Variants in ANKFN1 observed in about 807,000 individuals in gnomAD.
ANKFN1 encodes the protein ankyrin repeat and fibronectin type-III domain-containing protein 1.
ANKFN1 carries 74 observed loss-of-function variants against 108.7 expected under a neutral mutation model. That is an observed-to-expected ratio of 0.68 (90% CI 0.56 to 0.83). The LOEUF is 0.83. Among genes scored for constraint, ANKFN1 ranks in the 40% least tolerant of loss-of-function variants. ANKFN1 has a pLI of 0.00. For synonymous variants in ANKFN1, 547 were observed against 516.2 expected, an observed-to-expected ratio of 1.06 and a Z score of -0.81; for missense variants, 1,505 against 1,382.3, an observed-to-expected ratio of 1.09 and a Z score of -1.41.
chr17:56,424,026 A>C (rs2048485692), intron 8 of ANKFN1, among the ~76,000 whole-genome samples: 1 of 152,192 alleles, frequency 6.6e-6, no homozygotes, highest in Non-Finnish European at 1.5e-5. Flanking sequence ...GGAGAACCTA[A>C]ATAAAAGGAG....
At chr17:56,329,439 C>G (rs1267976410) in intron 4 of ANKFN1, among the ~76,000 whole-genome samples, 2 of 152,104 alleles carry the variant, frequency 1.3e-5, no homozygotes, top group African/African-American at 4.8e-5. Flanking sequence ...ATCACTTTCT[C>G]TAGCCCATTT....
At chr17:56,306,769 A>G (rs1161716579) in intron 3 of ANKFN1, among the ~76,000 whole-genome samples, 3 of 152,226 alleles carry the variant, frequency 2.0e-5, no homozygotes, top group Non-Finnish European at 4.4e-5. Context: ...CACATTGCCA[A>G]GTCAATCCTA....
At chr17:56,068,763 A>G (rs1043981655) in intron 4 of ANKFN1, among the ~76,000 whole-genome samples, 1 of 152,196 alleles carries the variant, frequency 6.6e-6, no homozygotes, top group Non-Finnish European at 1.5e-5. Flanking sequence ...TGAGACAATG[A>G]GTTCTTTGAA....
chr17:56,068,824 A>G (rs1905090331), intron 4 of ANKFN1, among the ~76,000 whole-genome samples: 2 of 152,190 alleles, frequency 1.3e-5, no homozygotes, highest in African/African-American at 4.8e-5. Context: ...ACCTGGCAAA[A>G]TACCTGGTAG....
At position 56,283,756 on chromosome 17, in the gene ANKFN1, G is replaced by T. The variant is rs181200793; in HGVS notation, c.54-42465G>T. Reference sequence around the variant, plus strand: ...CCTCAGGGGAAAGGGTGGGAGGGGGGTGAGGGATAAAACTCTACAAATTGG... The same window carrying T: ...CCTCAGGGGAAAGGGTGGGAGGGGGTTGAGGGATAAAACTCTACAAATTGG... On this transcript the variant is annotated intron_variant, in intron 3 of 20. Coordinates refer to ENST00000682825, the MANE Select transcript of ANKFN1 (RefSeq NM_001370326.1). 1.8e-3 allele frequency among the ~76,000 whole-genome samples: 275 copies of T among 152,014 alleles called. 7 individuals are homozygous for T. The East Asian group carries it at 0.042, about 23-fold the overall frequency.
rs113743548 is a variant in ANKFN1 at position 56,418,742 on chromosome 17, C to A, written c.911-21585C>A. ...ATTTGGCAGAGCCAGGACAAAAATG[C>A]AAAACTCCTGACTCCCAGTTCATTA... On this transcript the variant is annotated intron_variant, in intron 8 of 20. Coordinates refer to ENST00000682825, the MANE Select transcript of ANKFN1 (RefSeq NM_001370326.1). Among the ~76,000 whole-genome samples the A allele has an allele frequency of 5.5e-3, 832 of 151,008 alleles. 5 individuals are homozygous for A. The highest frequency in any genetic ancestry group is 0.019 in the African/African-American group (781 of 41,058).
chr17:56,313,424 CT>C (rs984478220), intron 3 of ANKFN1, among the ~76,000 whole-genome samples: 4 of 152,168 alleles, frequency 2.6e-5, no homozygotes, highest in Admixed American at 2.6e-4. Flanking sequence ...CAGCCAGGCT[CT>C]GTTCCCCAAG....
At chr17:56,158,400 TC>T (rs1909314065) in intron 1 of ANKFN1, among the ~76,000 whole-genome samples, 1 of 152,176 alleles carries the variant, frequency 6.6e-6, no homozygotes, top group African/African-American at 2.4e-5. Flanking sequence ...TTTGCCTTCT[TC>T]CATCCTGGTG....
At chr17:56,269,184 G>A (rs948660072) in intron 3 of ANKFN1, among the ~76,000 whole-genome samples, 1 of 152,140 alleles carries the variant, frequency 6.6e-6, no homozygotes, top group African/African-American at 2.4e-5. Context: ...TGAACCAGAA[G>A]CCATGCTGAC....
At chr17:56,368,092 CT>C in intron 6 of ANKFN1, 1 of 1,028,102 alleles carries the variant, frequency 9.7e-7, no homozygotes. Context: ...AGTAGTTACA[CT>C]TCTGTAACAC....
At chr17:56,150,384 T>C (rs1244721924), upstream of ANKFN1, among the ~76,000 whole-genome samples, 2 of 152,188 alleles carry the variant, frequency 1.3e-5, no homozygotes, top group Non-Finnish European at 2.9e-5. Flanking sequence ...GGGTTACCGA[T>C]ACCCCCTTTA....
intron 4 of ANKFN1, among the ~76,000 whole-genome samples, chr17:56,141,289 A>C (rs7207503): frequency 0.59 from 89,895 of 152,044 alleles, 27,164 homozygotes; most frequent in East Asian, 0.81. Flanking sequence ...TTGCTGACAG[A>C]CGTGTGGTGA....
intron 3 of ANKFN1, 53 bp from the exon 4 acceptor site, chr17:56,326,168 G>C: frequency 6.5e-7 from 1 of 1,548,420 alleles, no homozygotes; most frequent in South Asian, 1.2e-5. Context: ...TCATGATCAT[G>C]GACTTCGGCT....
chr17:56,166,689 A>G (rs1232425393), intron 1 of ANKFN1, among the ~76,000 whole-genome samples: 1 of 152,084 alleles, frequency 6.6e-6, no homozygotes. Flanking sequence ...GACCCACCCT[A>G]CAAAGCTGAG....
chr17:56,329,631 T>C (rs1011934810), intron 4 of ANKFN1, among the ~76,000 whole-genome samples: 3 of 152,196 alleles, frequency 2.0e-5, no homozygotes, highest in African/African-American at 7.2e-5. Context: ...AGTGCCTCAA[T>C]TTCTATCTGT....
At chr17:56,272,735 A>G (rs1202164859) in intron 3 of ANKFN1, among the ~76,000 whole-genome samples, 1 of 152,142 alleles carries the variant, frequency 6.6e-6, no homozygotes, top group Non-Finnish European at 1.5e-5. Context: ...TTTTTTGAGG[A>G]ACTACCATAA....
At chr17:56,193,408 A>G (rs992296046) in intron 1 of ANKFN1, among the ~76,000 whole-genome samples, 15 of 152,114 alleles carry the variant, frequency 9.9e-5, no homozygotes, top group Non-Finnish European at 1.9e-4. Context: ...ATAATTAAAA[A>G]AAAAAATACA....
intron 1 of ANKFN1, among the ~76,000 whole-genome samples, chr17:56,208,351 C>T (rs1914699521): frequency 6.6e-6 from 1 of 152,178 alleles, no homozygotes; most frequent in Non-Finnish European, 1.5e-5. Flanking sequence ...CTCAGCACTA[C>T]TGACGTTTTG....
rs550539005 is a variant in ANKFN1, at chr17:56,121,791, G to A, written c.288+75466G>A. Reference sequence around the variant, plus strand: ...TGAAAATATTTTAGCAATCAGTATAGCAGAAACAAGAATCAATTAGAAAGG... The same window carrying A: ...TGAAAATATTTTAGCAATCAGTATAACAGAAACAAGAATCAATTAGAAAGG... On this transcript the variant is annotated intron_variant, in intron 4 of 12. Transcript: ENST00000635860. 2.0e-5 allele frequency among the ~76,000 whole-genome samples: 3 copies of A among 152,304 alleles called. No homozygotes were observed. The South Asian group carries it at 6.2e-4, about 32-fold the overall frequency.
Sources: gnomAD v4.1 joint callset for allele counts (sites outside exome capture counted in the v4.1 genomes callset) on GRCh38, gnomAD v4.1.1 for gene constraint, MANE v1.5 for transcripts, NCBI Gene and HGNC (gene_info 2026-07-23, HGNC 2026-07-21) for gene names.